The following CDH2 variants were observed in gnomAD, a reference collection of about 807,000 sequenced individuals.
CDH2 encodes cadherin-2.
Under a neutral mutation model 92.0 loss-of-function variants are expected in CDH2, and 17 were observed. The ratio of observed to expected loss-of-function variants is 0.18; its 90% CI spans 0.13 to 0.28. The LOEUF is 0.28. CDH2 is among the 10% of genes least tolerant of loss of function. The pLI is 1.00. For synonymous variants in CDH2, 419 were observed against 415.9 expected, an observed-to-expected ratio of 1.01 and a Z score of -0.09; for missense variants, 862 against 1,133.1, an observed-to-expected ratio of 0.76 and a Z score of 3.44.
At chr18:27,980,255 G>A (rs879778255) in intron 14 of CDH2, among the ~76,000 whole-genome samples, 4 of 152,142 alleles carry the variant, frequency 2.6e-5, no homozygotes, top group African/African-American at 4.8e-5. Context: ...GCTTTCTCAT[G>A]GGCCTTTACC....
intron 2 of CDH2, among the ~76,000 whole-genome samples, chr18:28,091,828 C>T (rs113717169): frequency 7.2e-5 from 11 of 152,146 alleles, no homozygotes; most frequent in African/African-American, 1.9e-4. Flanking sequence ...ACCCCACCAC[C>T]GCCATTAGTT....
At chr18:27,999,501 G>C (rs1402532023) in intron 7 of CDH2, among the ~76,000 whole-genome samples, 1 of 152,098 alleles carries the variant, frequency 6.6e-6, no homozygotes, top group Admixed American at 6.6e-5. Context: ...TGGAAAACAG[G>C]AAGTATTTCT....
rs199788670 is a variant in CDH2, at chr18:28,034,698, AC to A, written c.173-20790del. 7.8e-3 allele frequency among the ~76,000 whole-genome samples: 1,184 copies of A among 152,026 alleles called. 16 individuals carry two copies. Among genetic ancestry groups the A allele is most frequent in the African/African-American group, 0.027 (1,135 of 41,414 alleles). On this transcript the variant is annotated intron_variant, in intron 2 of 15. Transcript: ENST00000269141. ...ACAACCACAATAAAAAAAAACAAAA[AC>A]AAAAACAAAACTCAAGCTTTTGAAA...
chr18:28,002,862 A>G, intron 7 of CDH2, 135 bp downstream of exon 7: 2 of 803,462 alleles, frequency 2.5e-6, no homozygotes, highest in Non-Finnish European at 4.0e-6. Flanking sequence ...TATACAACAG[A>G]TTACTTAATG....
intron 6 of CDH2, among the ~76,000 whole-genome samples, chr18:27,942,891 G>T (rs916665364): frequency 6.6e-6 from 1 of 152,088 alleles, no homozygotes; most frequent in African/African-American, 2.4e-5. Context: ...GAGTAAGAAC[G>T]CTAGGAATGT....
intron 1 of CDH2, 48 bp downstream of exon 1, chr18:28,176,915 G>GC: frequency 7.1e-5 from 78 of 1,098,082 alleles, no homozygotes; most frequent in South Asian, 1.1e-4. Context: ...ACCCGGCGCC[G>GC]CCCGCCCCAC....
At chr18:28,145,004 G>A (rs1043534147) in intron 2 of CDH2, among the ~76,000 whole-genome samples, 3 of 152,008 alleles carry the variant, frequency 2.0e-5, no homozygotes, top group Non-Finnish European at 4.4e-5. Flanking sequence ...ATTTTCTAAC[G>A]TGACAAATAC....
intron 1 of CDH2, among the ~76,000 whole-genome samples, chr18:28,149,436 A>G (rs1282737844): frequency 6.6e-6 from 1 of 152,232 alleles, no homozygotes; most frequent in Non-Finnish European, 1.5e-5. Flanking sequence ...ATGTATGATT[A>G]AGATATAAAT....
At chr18:28,125,235 G>GT (rs1475454126) in intron 2 of CDH2, among the ~76,000 whole-genome samples, 6 of 152,096 alleles carry the variant, frequency 3.9e-5, no homozygotes, top group African/African-American at 1.4e-4. Flanking sequence ...TTGAACCATT[G>GT]TAAGCCGGGA....
chr18:28,144,991 A>T (rs755745495), intron 2 of CDH2, among the ~76,000 whole-genome samples: 3 of 152,134 alleles, frequency 2.0e-5, no homozygotes, highest in African/African-American at 7.2e-5. Context: ...CTTCTTCTAT[A>T]TAATTTTCTA....
Position 28,040,790 on chromosome 18 carries a change from G to A in CDH2, c.173-26881C>T, listed in dbSNP as rs188179826. Among the ~76,000 whole-genome samples, 189 of 152,326 alleles carry A rather than the reference G, an allele frequency of 1.2e-3. 1 individual carries two copies. The highest frequency in any genetic ancestry group is 4.4e-3 in the African/African-American group (182 of 41,572). On this transcript the variant is annotated intron_variant, in intron 2 of 15. Coordinates refer to ENST00000269141, the MANE Select transcript of CDH2 (RefSeq NM_001792.5). ...TCCCAGCTTACTGGAGACTCACAGT[G>A]TAGTGAGAGCACAACAAATACCAAG...
At chr18:28,152,821 T>C (rs1046300727) in intron 1 of CDH2, among the ~76,000 whole-genome samples, 1 of 151,914 alleles carries the variant, frequency 6.6e-6, no homozygotes, top group Non-Finnish European at 1.5e-5. Flanking sequence ...GGAGACAAGC[T>C]AGGACACAGA....
chr18:28,128,989 C>A (rs974009216), intron 2 of CDH2, among the ~76,000 whole-genome samples: 5 of 152,148 alleles, frequency 3.3e-5, no homozygotes, highest in African/African-American at 9.7e-5. Context: ...TCAGATGCAA[C>A]CAACAACAGG....
At chr18:27,991,805 C>T (rs1461068966) in intron 9 of CDH2, among the ~76,000 whole-genome samples, 1 of 152,176 alleles carries the variant, frequency 6.6e-6, no homozygotes, top group Non-Finnish European at 1.5e-5. Context: ...TGGCAACTGG[C>T]ACTTTAGCAC....
At chr18:28,125,173 T>G (rs1219367772) in intron 2 of CDH2, among the ~76,000 whole-genome samples, 1 of 152,114 alleles carries the variant, frequency 6.6e-6, no homozygotes, top group African/African-American at 2.4e-5. Flanking sequence ...GTCCTCAACT[T>G]CTGGTGGGAA....
chr18:28,165,707 ATCTTTTTTTTTTTTTCTTTTT>A (rs2016367772), intron 1 of CDH2, among the ~76,000 whole-genome samples: 1 of 148,008 alleles, frequency 6.8e-6, no homozygotes, highest in African/African-American at 2.6e-5. Flanking sequence ...AGAGTCCCCA[ATCTTTTTTTTTTTTTCTTTTT>A]TCTTTTTTTC....
intron 13 of CDH2, 80 bp downstream of exon 13, chr18:27,984,920 A>G: frequency 9.2e-7 from 1 of 1,085,912 alleles, no homozygotes; most frequent in Non-Finnish European, 1.4e-6. Context: ...CTACTTTGCC[A>G]GGCAATAGCA....
intron 2 of CDH2, among the ~76,000 whole-genome samples, chr18:28,140,390 G>A (rs2015932767): frequency 6.6e-6 from 1 of 151,904 alleles, no homozygotes; most frequent in Non-Finnish European, 1.5e-5. Flanking sequence ...TGGTCTGAAT[G>A]GTTGTATCCC....
chr18:28,141,345 A>G (rs1198155517), intron 2 of CDH2, among the ~76,000 whole-genome samples: 1 of 152,002 alleles, frequency 6.6e-6, no homozygotes, highest in African/African-American at 2.4e-5. Context: ...ATGAGGCTAC[A>G]GGGAAGGGAA....
Sources: allele counts gnomAD v4.1 joint callset (sites outside exome capture counted in the v4.1 genomes callset), GRCh38; gene constraint gnomAD v4.1.1; transcripts MANE v1.5; gene names NCBI Gene and HGNC (gene_info 2026-07-23, HGNC 2026-07-21).